The following PCSK6 variants were observed in gnomAD, a reference collection of about 807,000 sequenced individuals.
The protein encoded by PCSK6 is paired basic amino acid cleaving enzyme 4.
In PCSK6, 85 loss-of-function variants were observed where a neutral mutation model predicts 123.3. That is an observed-to-expected ratio of 0.69 (90% CI 0.58 to 0.83). The LOEUF (loss-of-function observed/expected upper bound fraction) is 0.83, where lower values mean the gene tolerates loss of function less well. Ranked by LOEUF, PCSK6 falls within the 40% of genes least tolerant of loss-of-function variation. PCSK6 has a pLI of 0.00. For missense variants in PCSK6, 1,191 were observed against 1,282.3 expected (o/e 0.93, Z 1.09); for synonymous variants, 508 against 516.0 (o/e 0.98, Z 0.21).
intron 13 of PCSK6, among the ~76,000 whole-genome samples, chr15:101,365,215 G>A (rs1199761691): frequency 6.6e-6 from 1 of 152,178 alleles, no homozygotes; most frequent in Non-Finnish European, 1.5e-5. Flanking sequence ...GTAAATCTCT[G>A]TGACTTTGGG....
At chr15:101,394,536 A>G (rs1277827877) in intron 7 of PCSK6, among the ~76,000 whole-genome samples, 1 of 152,184 alleles carries the variant, frequency 6.6e-6, no homozygotes, top group African/African-American at 2.4e-5. Context: ...ATCCACCTCC[A>G]CGGGAAACTG....
At chr15:101,339,472 A>C (rs2040552027) in intron 13 of PCSK6, among the ~76,000 whole-genome samples, 1 of 152,208 alleles carries the variant, frequency 6.6e-6, no homozygotes. Context: ...GGAAGGAATA[A>C]AAAAGCTTAC....
At chr15:101,376,782 G>A (rs2041757193) in intron 11 of PCSK6, among the ~76,000 whole-genome samples, 1 of 152,256 alleles carries the variant, frequency 6.6e-6, no homozygotes. Context: ...CAGCAGGCAG[G>A]AAAAGTGTTG....
chr15:101,398,023 A>G lies in PCSK6; in HGVS notation c.996+381T>C, dbSNP rs1335985698. The stretch of plus-strand genomic sequence containing the variant: ...CAGAGTTCCACAGCTGGGTGTTTCT[A>G]AGGGCAGGTGGGCCGAGGCCCCTGC... On this transcript the variant is annotated intron_variant, in intron 7 of 21. Transcript: ENST00000611716. The surrounding 1 kb of genome is among the most constrained non-coding windows in gnomAD (Gnocchi z 4.6). Among the ~76,000 whole-genome samples the G allele has an allele frequency of 6.6e-6, 1 of 152,186 alleles. No homozygotes were observed. Among genetic ancestry groups the G allele is most frequent in the African/African-American group, 2.4e-5 (1 of 41,442 alleles).
In PCSK6 at chr15:101,383,130, C is replaced by T. The variant is rs564264931; in HGVS notation, c.1415-921G>A. ...CTGATAAGAAGTCAGGCAAACAGGT[C>T]GGGCACAGTGGCTCACACCTGTAAT... On this transcript the variant is annotated intron_variant, in intron 10 of 21. Coordinates refer to ENST00000611716, the MANE Select transcript of PCSK6 (RefSeq NM_002570.5). Among the ~76,000 whole-genome samples, 326 of 152,184 alleles carry T rather than the reference C, an allele frequency of 2.1e-3. 2 individuals carry two copies. The highest frequency in any genetic ancestry group is 7.2e-3 in the African/African-American group (298 of 41,514).
chr15:101,474,870 T>C (rs1481724314), intron 1 of PCSK6, among the ~76,000 whole-genome samples: 1 of 152,226 alleles, frequency 6.6e-6, no homozygotes, highest in Non-Finnish European at 1.5e-5. Flanking sequence ...CTCTGTTGGT[T>C]CCCTTGTCCC....
chr15:101,350,448 AT>A (rs1200578927), intron 13 of PCSK6, among the ~76,000 whole-genome samples: 2 of 152,282 alleles, frequency 1.3e-5, no homozygotes, highest in Admixed American at 6.5e-5. Flanking sequence ...GTGTATTAGA[AT>A]TTTTTTATGC....
At chr15:101,387,094 C>T (rs2141526788) in intron 9 of PCSK6, among the ~76,000 whole-genome samples, 1 of 152,332 alleles carries the variant, frequency 6.6e-6, no homozygotes, top group Non-Finnish European at 1.5e-5. Flanking sequence ...TGGCTGGTCA[C>T]TGGCTTCCTC....
chr15:101,481,507 G>A (rs1189014011), intron 1 of PCSK6, among the ~76,000 whole-genome samples: 1 of 152,194 alleles, frequency 6.6e-6, no homozygotes, highest in East Asian at 1.9e-4. Flanking sequence ...GGGCAGAGCT[G>A]CAGCTACAGC....
At chr15:101,428,853 T>C (rs1282712190) in intron 5 of PCSK6, among the ~76,000 whole-genome samples, 1 of 152,200 alleles carries the variant, frequency 6.6e-6, no homozygotes, top group Admixed American at 6.5e-5. Context: ...GCTCAATGGA[T>C]GGCTCGGGAT....
At chr15:101,401,873 C>T (rs1000129995) in intron 6 of PCSK6, among the ~76,000 whole-genome samples, 18 of 152,030 alleles carry the variant, frequency 1.2e-4, no homozygotes, top group African/African-American at 4.1e-4. Flanking sequence ...CAATGCCATC[C>T]CCATCAAGCT....
Position 101,322,539 on chromosome 15 carries a change from C to G in PCSK6, c.2446G>C (p.Val816Leu), listed in dbSNP as rs191516113. 191 of 1,613,396 alleles carry G rather than the reference C, an allele frequency of 1.2e-4. 2 individuals are homozygous for G. The East Asian group carries it at 3.0e-3, about 25-fold the overall frequency. Residue 816 changes from valine (V) to leucine (L), a missense_variant, in exon 18 of 22, where the codon GTC becomes CTC. This residue lies in a region of PCSK6 where 630 missense variants were observed against 631.4 expected (regional missense o/e 1.00). Coordinates refer to ENST00000611716, the MANE Select transcript of PCSK6 (RefSeq NM_002570.5). Reference sequence around the variant, plus strand: ...TTTTACCTGAATCCTTCTTTACAGACAGTACATTTCTCAGGTTCATCCACG... The same window carrying G: ...TTTTACCTGAATCCTTCTTTACAGAGAGTACATTTCTCAGGTTCATCCACG... ...KCVDEPEKCTVCKEGFSLARG... is the reference protein window; with the variant it reads ...KCVDEPEKCTLCKEGFSLARG...
At chr15:101,429,345 T>A (rs1038011337) in intron 5 of PCSK6, among the ~76,000 whole-genome samples, 1 of 152,050 alleles carries the variant, frequency 6.6e-6, no homozygotes, top group Non-Finnish European at 1.5e-5. Flanking sequence ...AAAATGACAG[T>A]GACACAAAAA....
chr15:101,442,610 T>C (rs929031333), intron 2 of PCSK6, among the ~76,000 whole-genome samples: 5 of 152,102 alleles, frequency 3.3e-5, no homozygotes, highest in Non-Finnish European at 7.4e-5. Flanking sequence ...CATTTTTCCA[T>C]AAAAACTTTA....
intron 11 of PCSK6, among the ~76,000 whole-genome samples, chr15:101,378,898 T>C (rs903555): frequency 0.95 from 144,799 of 152,364 alleles, 68,851 homozygotes; most frequent in South Asian, 0.96. Flanking sequence ...AAGGGGACTG[T>C]GTCTGGTGGG....
intron 2 of PCSK6, among the ~76,000 whole-genome samples, chr15:101,435,247 G>T (rs959629000): frequency 6.6e-6 from 1 of 151,860 alleles, no homozygotes; most frequent in Non-Finnish European, 1.5e-5. Context: ...ACCCTCACAG[G>T]TTGCAGTGAG....
Position 101,415,044 on chromosome 15 carries a change from T to C in PCSK6, c.823+12848A>G, listed in dbSNP as rs749120191. 3.3e-5 allele frequency among the ~76,000 whole-genome samples: 5 copies of C among 152,084 alleles called. No individual in the cohort carries two copies. The South Asian group carries it at 8.3e-4, about 25-fold the overall frequency. ...GTACAATTAAAGGGCAAAAATGAGA[T>C]AGAGAGGATTTTATATTGATGAAGA... On this transcript the variant is annotated intron_variant, in intron 6 of 21. Transcript: ENST00000611716.
At chr15:101,389,941 G>A (rs6598462) in intron 8 of PCSK6, among the ~76,000 whole-genome samples, 128,772 of 152,120 alleles carry the variant, frequency 0.85, 54,741 homozygotes, top group Admixed American at 0.87. Context: ...TTTGTGGCCT[G>A]TCACCAACAG....
At chr15:101,434,232 C>T (rs1419173691) in intron 2 of PCSK6, among the ~76,000 whole-genome samples, 4 of 152,186 alleles carry the variant, frequency 2.6e-5, no homozygotes, top group African/African-American at 4.8e-5. Flanking sequence ...ATGTAGATCC[C>T]GCACAGCCCA....
Sources: allele counts gnomAD v4.1 joint callset (sites outside exome capture counted in the v4.1 genomes callset), GRCh38; gene constraint gnomAD v4.1.1; regional missense constraint gnomAD v4.1.1; non-coding constraint Gnocchi (gnomAD v3.1); transcripts MANE v1.5; gene names NCBI Gene and HGNC (gene_info 2026-07-23, HGNC 2026-07-21).